TMTC2: variants seen among roughly 807,000 people sequenced by gnomAD.
The protein encoded by TMTC2 is transmembrane O-mannosyltransferase targeting cadherins 2.
Under a neutral mutation model 82.4 loss-of-function variants are expected in TMTC2, and 43 were observed. The ratio of observed to expected loss-of-function variants is 0.52; its 90% CI spans 0.41 to 0.67. The LOEUF (loss-of-function observed/expected upper bound fraction) is 0.67. Among genes scored for constraint, TMTC2 ranks in the 30% least tolerant of loss-of-function variants. TMTC2 has a pLI of 0.00. For missense variants in TMTC2, 919 were observed against 1,012.4 expected, an observed-to-expected ratio of 0.91 and a Z score of 1.25; for synonymous variants, 408 against 381.9, an observed-to-expected ratio of 1.07 and a Z score of -0.80.
chr12:82,741,604 C>A lies in TMTC2; in HGVS notation c.83+53935C>A, dbSNP rs11115375. Among the ~76,000 whole-genome samples, 230 of 152,338 alleles carry A rather than the reference C, an allele frequency of 1.5e-3. 5 individuals are homozygous for A. The East Asian group carries it at 0.035, about 23-fold the overall frequency. ...GATTACAGGCGTGAGCCACCACACG[C>A]AGCTGGTGCTTTTTAGCTTTTCAAT... is the stretch of plus-strand genomic sequence containing the variant. On this transcript the variant is annotated intron_variant, in intron 1 of 11. Transcript: ENST00000321196.
At chr12:82,969,472 A>G (rs1368746110) in intron 7 of TMTC2, among the ~76,000 whole-genome samples, 1 of 152,156 alleles carries the variant, frequency 6.6e-6, no homozygotes, top group Non-Finnish European at 1.5e-5. Flanking sequence ...AAAAAATACA[A>G]TTATATTTTA....
At chr12:82,882,331 T>C (rs1208021178) in intron 2 of TMTC2, among the ~76,000 whole-genome samples, 1 of 152,200 alleles carries the variant, frequency 6.6e-6, no homozygotes, top group Non-Finnish European at 1.5e-5. Context: ...CTTCGGGTAC[T>C]GTTGATATCA....
intron 10 of TMTC2, among the ~76,000 whole-genome samples, chr12:83,053,497 A>G (rs1882427195): frequency 6.6e-6 from 1 of 152,078 alleles, no homozygotes; most frequent in Admixed American, 6.6e-5. Context: ...AAAAGAATCT[A>G]TAAATGGGGG....
chr12:82,834,313 A>G (rs1325352247), intron 1 of TMTC2, among the ~76,000 whole-genome samples: 1 of 152,230 alleles, frequency 6.6e-6, no homozygotes, highest in Admixed American at 6.5e-5. Flanking sequence ...ACAGAGAGAG[A>G]AAAAGGTTGA....
intron 1 of TMTC2, among the ~76,000 whole-genome samples, chr12:82,824,887 G>A (rs573460279): frequency 2.0e-5 from 3 of 152,150 alleles, no homozygotes; most frequent in African/African-American, 4.8e-5. Context: ...CCAGGAGTTC[G>A]AGATGAGCTT....
chr12:83,110,582 T>C (rs1204076709), intron 11 of TMTC2, among the ~76,000 whole-genome samples: 1 of 152,228 alleles, frequency 6.6e-6, no homozygotes, highest in Non-Finnish European at 1.5e-5. Flanking sequence ...GTTAGATTAA[T>C]TTGTTCTCAG....
In TMTC2 at chr12:82,836,227, C is replaced by T. The variant is rs77632785; in HGVS notation, c.84-20783C>T. Among the ~76,000 whole-genome samples, 507 of 152,282 alleles carry T rather than the reference C, an allele frequency of 3.3e-3. 4 individuals are homozygous for T. Among genetic ancestry groups the T allele is most frequent in the African/African-American group, 0.012 (491 of 41,548 alleles). On this transcript the variant is annotated intron_variant, in intron 1 of 11. Transcript: ENST00000321196. The stretch of plus-strand genomic sequence containing the variant: ...CTTGGTTAAGCCTAGCTAAGTGAGA[C>T]ACTTAGTGGCCTTCCAAAGATATCC...
intron 7 of TMTC2, among the ~76,000 whole-genome samples, chr12:82,973,801 G>A (rs1391117717): frequency 1.3e-5 from 2 of 152,168 alleles, no homozygotes; most frequent in Non-Finnish European, 2.9e-5. Flanking sequence ...TAGTAGGATT[G>A]CCTAAGGATC....
chr12:83,078,291 C>T (rs1207465812), intron 11 of TMTC2, among the ~76,000 whole-genome samples: 1 of 152,076 alleles, frequency 6.6e-6, no homozygotes, highest in Non-Finnish European at 1.5e-5. Context: ...AAAGTTTGGT[C>T]AAAGAGAGAC....
chr12:82,805,338 A>G (rs1879191199), intron 1 of TMTC2, among the ~76,000 whole-genome samples: 3 of 152,080 alleles, frequency 2.0e-5, no homozygotes, highest in African/African-American at 7.2e-5. Context: ...TCTTTATTAC[A>G]GCTAGCAGAT....
rs1049804883 is a variant in TMTC2, at chr12:82,765,699, AAAC to A, written c.83+78033_83+78035del. On this transcript the variant is annotated intron_variant, in intron 1 of 11. Coordinates refer to ENST00000321196, the MANE Select transcript of TMTC2 (RefSeq NM_152588.3). ...CGAAAAAACAAAACAAAACAAAACA[AAAC>A]AAACAAACAAACAAAAAAAAACAAA... 1.2e-4 allele frequency among the ~76,000 whole-genome samples: 17 copies of A among 136,710 alleles called. No individual in the cohort carries two copies. The South Asian group carries it at 1.3e-3, about 11-fold the overall frequency. The allele number at this position is 136,710 out of a possible 152,430, so 89.7% of individuals were successfully genotyped here.
At chr12:82,766,333 C>T (rs1410345140) in intron 1 of TMTC2, among the ~76,000 whole-genome samples, 1 of 152,090 alleles carries the variant, frequency 6.6e-6, no homozygotes, top group African/African-American at 2.4e-5. Flanking sequence ...TTCCAATGAG[C>T]TAAGTTACTG....
intron 1 of TMTC2, among the ~76,000 whole-genome samples, chr12:82,761,169 A>G (rs1390636059): frequency 6.6e-6 from 1 of 152,170 alleles, no homozygotes; most frequent in Non-Finnish European, 1.5e-5. Flanking sequence ...CTTGCTACTC[A>G]GGAGCAGTGT....
intron 9 of TMTC2, among the ~76,000 whole-genome samples, chr12:83,046,110 C>G (rs534973950): frequency 6.6e-6 from 1 of 152,224 alleles, no homozygotes; most frequent in East Asian, 1.9e-4. Flanking sequence ...CTCGGTATCT[C>G]CTTCTGCCTT....
chr12:83,030,518 T>A (rs1881383334), intron 8 of TMTC2, among the ~76,000 whole-genome samples: 1 of 152,148 alleles, frequency 6.6e-6, no homozygotes, highest in African/African-American at 2.4e-5. Context: ...TGAGACCTTT[T>A]TTGTTTTTCA....
At chr12:82,872,303 C>A (rs1238801553) in intron 2 of TMTC2, among the ~76,000 whole-genome samples, 1 of 152,176 alleles carries the variant, frequency 6.6e-6, no homozygotes, top group South Asian at 2.1e-4. Context: ...CTACATTTAA[C>A]AGACTTAAAG....
chr12:82,770,347 T>G (rs1340533651), intron 1 of TMTC2, among the ~76,000 whole-genome samples: 1 of 152,182 alleles, frequency 6.6e-6, no homozygotes, highest in East Asian at 1.9e-4. Context: ...GATTTAGGGT[T>G]TCAGATTTTC....
intron 2 of TMTC2, among the ~76,000 whole-genome samples, chr12:82,891,249 G>A (rs1873378611): frequency 6.6e-6 from 1 of 152,150 alleles, no homozygotes; most frequent in South Asian, 2.1e-4. Flanking sequence ...GAACAGTTGA[G>A]ATGTTTTATT....
At chr12:83,125,663 C>T (rs1009757021) in intron 11 of TMTC2, among the ~76,000 whole-genome samples, 1 of 152,146 alleles carries the variant, frequency 6.6e-6, no homozygotes, top group African/African-American at 2.4e-5. Context: ...AATAGAAAAT[C>T]TGAAATTTGA....
Sources: gnomAD v4.1 joint callset for allele counts (sites outside exome capture counted in the v4.1 genomes callset) on GRCh38, gnomAD v4.1.1 for gene constraint, MANE v1.5 for transcripts, NCBI Gene and HGNC (gene_info 2026-07-23, HGNC 2026-07-21) for gene names.